The following SETBP1 variants were observed in gnomAD, a reference collection of about 807,000 sequenced individuals.
SETBP1 encodes SET-binding protein.
In SETBP1, 9 loss-of-function variants were observed where a neutral mutation model predicts 101.0. The ratio of observed to expected loss-of-function variants is 0.09; its 90% CI spans 0.05 to 0.16. The LOEUF (loss-of-function observed/expected upper bound fraction) is 0.16. Ranked by LOEUF, SETBP1 falls within the 10% of genes least tolerant of loss-of-function variation. The probability of loss-of-function intolerance (pLI) is 1.00; values close to 1 mark genes in which losing one functional copy is unlikely to be tolerated. For missense variants in SETBP1, 1,858 were observed against 2,033.8 expected, an observed-to-expected ratio of 0.91 and a Z score of 1.66; for synonymous variants, 818 against 788.5, an observed-to-expected ratio of 1.04 and a Z score of -0.63.
chr18:45,016,731 G>GCA (rs60965207), intron 4 of SETBP1, among the ~76,000 whole-genome samples: 7,096 of 122,710 alleles, frequency 0.058, 237 homozygotes, highest in Non-Finnish European at 0.064. Flanking sequence ...ATTGGTGCGC[G>GCA]CACACACACA....
chr18:44,697,752 TC>T (rs2069044129), intron 1 of SETBP1, among the ~76,000 whole-genome samples: 2 of 152,220 alleles, frequency 1.3e-5, no homozygotes, highest in Admixed American at 1.3e-4. Flanking sequence ...GGGTGCAATG[TC>T]AGTCCGGCCA....
intron 4 of SETBP1, among the ~76,000 whole-genome samples, chr18:44,978,086 C>T (rs1288574234): frequency 2.0e-5 from 3 of 152,248 alleles, no homozygotes; most frequent in East Asian, 3.9e-4. Context: ...AGGGTTGCAA[C>T]CAGCCCACAG....
intron 2 of SETBP1, among the ~76,000 whole-genome samples, chr18:44,724,622 T>C (rs1444487549): frequency 6.6e-6 from 1 of 152,150 alleles, no homozygotes; most frequent in African/African-American, 2.4e-5. Flanking sequence ...TGGTTAAACA[T>C]AGTAGCCTGT....
At chr18:45,016,357 T>C (rs1336097458) in intron 4 of SETBP1, among the ~76,000 whole-genome samples, 1 of 152,106 alleles carries the variant, frequency 6.6e-6, no homozygotes, top group Non-Finnish European at 1.5e-5. Context: ...GCCCATGCCC[T>C]AAAGTGACAC....
At chr18:45,015,657 A>G (rs576869036) in intron 4 of SETBP1, among the ~76,000 whole-genome samples, 1 of 152,252 alleles carries the variant, frequency 6.6e-6, no homozygotes, top group Non-Finnish European at 1.5e-5. Context: ...ATTGGATTAC[A>G]CTTTATGCCT....
intron 5 of SETBP1, among the ~76,000 whole-genome samples, chr18:45,055,808 A>C (rs1243485886): frequency 1.3e-5 from 2 of 152,186 alleles, no homozygotes; most frequent in Non-Finnish European, 2.9e-5. Flanking sequence ...TTTTTAGTCC[A>C]ACTCTTCATT....
At chr18:44,940,290 T>C (rs1383142780) in intron 3 of SETBP1, among the ~76,000 whole-genome samples, 1 of 152,200 alleles carries the variant, frequency 6.6e-6, no homozygotes, top group Non-Finnish European at 1.5e-5. Context: ...AAGCAGCATA[T>C]AGTTCAGTTT....
At chr18:44,899,011 C>T (rs2069972727) in intron 3 of SETBP1, among the ~76,000 whole-genome samples, 1 of 152,106 alleles carries the variant, frequency 6.6e-6, no homozygotes, top group African/African-American at 2.4e-5. Flanking sequence ...GGAAAACAGC[C>T]CTGGGTCTCA....
intron 2 of SETBP1, among the ~76,000 whole-genome samples, chr18:44,868,483 T>C (rs2069178143): frequency 6.6e-6 from 1 of 151,950 alleles, no homozygotes; most frequent in Admixed American, 6.6e-5. Flanking sequence ...TCACCTGATG[T>C]CAGGAGTTCG....
chr18:44,875,434 C>T (rs2069376627), intron 3 of SETBP1, among the ~76,000 whole-genome samples: 1 of 145,292 alleles, frequency 6.9e-6, no homozygotes, highest in Non-Finnish European at 1.5e-5. Flanking sequence ...AGGAGAATAG[C>T]TTGAACCCAG....
At position 44,922,820 on chromosome 18, in the gene SETBP1, G is replaced by A. The variant is rs1056903526; in HGVS notation, c.541-27061G>A. On this transcript the variant is annotated intron_variant, in intron 3 of 5. Transcript: ENST00000649279. Reference sequence around the variant, plus strand: ...TAGCAAGGAAATCTAATTACATGGCGCAGGTTCTAACTTAAGATGGTGTCA... The same window carrying A: ...TAGCAAGGAAATCTAATTACATGGCACAGGTTCTAACTTAAGATGGTGTCA... Among the ~76,000 whole-genome samples, 4 of 152,250 alleles carry A rather than the reference G, an allele frequency of 2.6e-5. 1 individual carries two copies. Among genetic ancestry groups the A allele is most frequent in the Admixed American group, 1.3e-4 (2 of 15,296 alleles).
intron 2 of SETBP1, among the ~76,000 whole-genome samples, chr18:44,707,294 T>C (rs2069242531): frequency 6.6e-6 from 1 of 152,224 alleles, no homozygotes; most frequent in Admixed American, 6.5e-5. Context: ...ATCTGCCACA[T>C]TTTCCCTAAT....
intron 3 of SETBP1, among the ~76,000 whole-genome samples, chr18:44,928,577 C>A (rs2070755574): frequency 1.3e-5 from 2 of 152,220 alleles, no homozygotes; most frequent in Non-Finnish European, 2.9e-5. Flanking sequence ...TTCTCCACAT[C>A]CTCTCCAGCA....
At position 45,055,278 on chromosome 18, in the gene SETBP1, A is replaced by T. The variant is rs80190818; in HGVS notation, c.4172-7801A>T. 9.6e-4 allele frequency among the ~76,000 whole-genome samples: 146 copies of T among 152,314 alleles called. 2 individuals carry two copies. In the East Asian group the frequency reaches 0.019, roughly 20 times the overall value. ...TAAAGCAGTGGGCTCCAGATTTTTG[A>T]TCATGCAGTGATATTAGTAACATAA... is the stretch of plus-strand genomic sequence containing the variant. On this transcript the variant is annotated intron_variant, in intron 5 of 5. Coordinates refer to ENST00000649279, the MANE Select transcript of SETBP1 (RefSeq NM_015559.3).
At chr18:44,743,368 G>A (rs1263504545) in intron 2 of SETBP1, among the ~76,000 whole-genome samples, 1 of 152,158 alleles carries the variant, frequency 6.6e-6, no homozygotes, top group Non-Finnish European at 1.5e-5. Context: ...CCTTCCAAGG[G>A]GGAAATTGGA....
At chr18:44,991,124 T>C (rs1379257236) in intron 4 of SETBP1, among the ~76,000 whole-genome samples, 10 of 150,424 alleles carry the variant, frequency 6.6e-5, no homozygotes, top group African/African-American at 2.4e-5. Flanking sequence ...TGCCTTGTAG[T>C]CCCAGCTACT....
At chr18:44,853,192 G>A (rs1211812810) in intron 2 of SETBP1, among the ~76,000 whole-genome samples, 3 of 152,178 alleles carry the variant, frequency 2.0e-5, no homozygotes, top group Non-Finnish European at 4.4e-5. Flanking sequence ...TTATGCTGAG[G>A]TGGCCACTTA....
At chr18:45,040,925 G>C (rs1013760891) in intron 5 of SETBP1, among the ~76,000 whole-genome samples, 1 of 152,162 alleles carries the variant, frequency 6.6e-6, no homozygotes, top group African/African-American at 2.4e-5. Flanking sequence ...AAATAGGCCA[G>C]ATATCTACCC....
intron 2 of SETBP1, among the ~76,000 whole-genome samples, chr18:44,785,738 G>A (rs2071226683): frequency 6.6e-6 from 1 of 152,116 alleles, no homozygotes; most frequent in Non-Finnish European, 1.5e-5. Flanking sequence ...GACACAACAT[G>A]CTCAACAGCA....
Sources: gnomAD v4.1 joint callset for allele counts (sites outside exome capture counted in the v4.1 genomes callset) on GRCh38, gnomAD v4.1.1 for gene constraint, MANE v1.5 for transcripts, NCBI Gene and HGNC (gene_info 2026-07-23, HGNC 2026-07-21) for gene names.